The following ATP8A1 variants were observed in gnomAD, a reference collection of about 807,000 sequenced individuals.
The protein encoded by ATP8A1 is ATPase phospholipid transporting 8A1, also known as phospholipid-transporting ATPase IA.
ATP8A1 carries 90 observed loss-of-function variants against 177.7 expected under a neutral mutation model. The ratio of observed to expected loss-of-function variants is 0.51; its 90% CI spans 0.43 to 0.60. The LOEUF (loss-of-function observed/expected upper bound fraction) is 0.60. Among genes scored for constraint, ATP8A1 ranks in the 20% least tolerant of loss-of-function variants. The probability of loss-of-function intolerance (pLI) is 0.00; values close to 1 mark genes in which losing one functional copy is unlikely to be tolerated. For synonymous variants in ATP8A1, 493 were observed against 485.9 expected, an observed-to-expected ratio of 1.01 and a Z score of -0.19; for missense variants, 1,072 against 1,392.8, an observed-to-expected ratio of 0.77 and a Z score of 3.67.
At position 42,600,584 on chromosome 4, in the gene ATP8A1, A is replaced by G. The variant is rs866670321; in HGVS notation, c.410-66T>C. ...CTATGAAAAGGCCATTTCTGATGAA[A>G]TAATAATTTTAAACGAATAGCTTCA... is the stretch of plus-strand genomic sequence containing the variant. On this transcript the variant is annotated intron_variant, in intron 5 of 36. Coordinates refer to ENST00000381668, the MANE Select transcript of ATP8A1 (RefSeq NM_006095.2). 4.0e-5 allele frequency: 59 copies of G among 1,471,876 alleles called. No homozygotes were observed. The African/African-American group carries it at 5.6e-4, about 14-fold the overall frequency. 91.2% of individuals were successfully genotyped at this position (1,471,876 alleles called of 1,614,324 possible).
chr4:42,420,699 A>G (rs1247758010), intron 35 of ATP8A1, among the ~76,000 whole-genome samples: 1 of 152,152 alleles, frequency 6.6e-6, no homozygotes, highest in Admixed American at 6.5e-5. Context: ...GGATAGTAAC[A>G]GTATTAACAG....
chr4:42,613,781 G>GCC (rs1736617003), intron 5 of ATP8A1, among the ~76,000 whole-genome samples: 3 of 151,804 alleles, frequency 2.0e-5, no homozygotes, highest in Admixed American at 2.0e-4. Context: ...ATGGGGTTTT[G>GCC]CCATGTTGGT....
At chr4:42,627,932 G>A (rs1266674946) in intron 1 of ATP8A1, among the ~76,000 whole-genome samples, 1 of 152,152 alleles carries the variant, frequency 6.6e-6, no homozygotes, top group African/African-American at 2.4e-5. Flanking sequence ...CTTCTGAAGT[G>A]TTCTATGATG....
At position 42,646,339 on chromosome 4, in the gene ATP8A1, A is replaced by G. The variant is rs531946089; in HGVS notation, c.49+10486T>C. Among the ~76,000 whole-genome samples the G allele has an allele frequency of 1.2e-4, 18 of 152,336 alleles. No homozygotes were observed. The East Asian group carries it at 3.5e-3, about 29-fold the overall frequency. On this transcript the variant is annotated intron_variant, in intron 1 of 36. Coordinates refer to ENST00000381668, the MANE Select transcript of ATP8A1 (RefSeq NM_006095.2). ...TCAGGGAAGTGGTGACAGGGTGTGC[A>G]TGCCTCATCTTTAGAGTGCTAAGTC...
intron 23 of ATP8A1, among the ~76,000 whole-genome samples, chr4:42,503,876 T>A (rs947205830): frequency 1.3e-5 from 2 of 152,176 alleles, no homozygotes; most frequent in African/African-American, 4.8e-5. Flanking sequence ...AGAACCCTTC[T>A]CTAGACACCT....
intron 25 of ATP8A1, among the ~76,000 whole-genome samples, chr4:42,471,488 C>T (rs1358588751): frequency 2.6e-5 from 4 of 152,166 alleles, no homozygotes; most frequent in Non-Finnish European, 5.9e-5. Context: ...AACGTACTGC[C>T]TTCTGCTTCA....
rs140420171 is a variant in ATP8A1, at chr4:42,443,590, G to A, written c.3098C>T (p.Pro1033Leu). The change falls in exon 33 of 37, where the codon CCG becomes CTG. Residue 1033 changes from proline (P) to leucine (L), a missense_variant. Physicochemically the swap from Pro to Leu is moderately conservative, Grantham distance 98. Coordinates refer to ENST00000381668, the MANE Select transcript of ATP8A1 (RefSeq NM_006095.2). ...GIYSSLWPAI[P>L]MAPDMSGEAA... ...CTCTCCTGACATATCAGGGGCCATC[G>A]GAATGGCAGGCCACAGAGATGAGTA... 2.6e-4 allele frequency: 382 copies of A among 1,461,836 alleles called. 1 individual carries two copies. The highest frequency in any genetic ancestry group is 1.7e-3 in the Middle Eastern group (10 of 5,746). 90.6% of individuals were successfully genotyped at this position (1,461,836 alleles called of 1,614,324 possible).
At chr4:42,638,070 G>T (rs1394997119) in intron 1 of ATP8A1, among the ~76,000 whole-genome samples, 1 of 152,158 alleles carries the variant, frequency 6.6e-6, no homozygotes, top group Non-Finnish European at 1.5e-5. Flanking sequence ...TAACATGAAT[G>T]ACCCTTCAGG....
At chr4:42,520,670 C>G (rs991508143) in intron 22 of ATP8A1, among the ~76,000 whole-genome samples, 2 of 152,100 alleles carry the variant, frequency 1.3e-5, no homozygotes, top group African/African-American at 2.4e-5. Flanking sequence ...GTGGGAGTAT[C>G]ATGCTGGAAG....
Position 42,503,496 on chromosome 4 carries a change from AAC to A in ATP8A1, c.2103_2104del (p.Leu702GlufsTer11). On this transcript the variant is annotated frameshift_variant, in exon 24 of 37. Transcript: ENST00000381668. LOFTEE classifies it high-confidence loss of function. ...AACAATCATTCCCATGTTCTTCTTC[AAC>A]AGTTTGCAGGAGTGTCCTGTATCCA... 6.2e-7 allele frequency: 1 copy of A among 1,607,994 alleles called. No individual in the cohort carries two copies.
At chr4:42,616,201 T>C (rs1422972416) in intron 4 of ATP8A1, 123 bp from the exon 5 acceptor site, 1 of 815,082 alleles carries the variant, frequency 1.2e-6, no homozygotes, top group East Asian at 2.6e-5. Flanking sequence ...TTCTCATTCA[T>C]GTCAATGTTA....
At chr4:42,508,043 C>A (rs945241922) in intron 22 of ATP8A1, among the ~76,000 whole-genome samples, 1 of 152,120 alleles carries the variant, frequency 6.6e-6, no homozygotes, top group Non-Finnish European at 1.5e-5. Flanking sequence ...AGGGGAAGAT[C>A]AGACTCAAAG....
chr4:42,544,164 G>A (rs1168231578), intron 19 of ATP8A1, among the ~76,000 whole-genome samples, 178 bp from the exon 20 acceptor site: 2 of 152,012 alleles, frequency 1.3e-5, no homozygotes, highest in East Asian at 3.9e-4. Flanking sequence ...ACCTGTAAAA[G>A]TTACATTATG....
chr4:42,578,541 A>C (rs1271701762), intron 11 of ATP8A1, among the ~76,000 whole-genome samples, 154 bp from the exon 12 acceptor site: 1 of 152,176 alleles, frequency 6.6e-6, no homozygotes, highest in Non-Finnish European at 1.5e-5. Flanking sequence ...TCTCAAGTAC[A>C]TCCTTCAAGA....
At chr4:42,434,728 A>T (rs767546431) in intron 33 of ATP8A1, among the ~76,000 whole-genome samples, 1 of 152,164 alleles carries the variant, frequency 6.6e-6, no homozygotes, top group African/African-American at 2.4e-5. Flanking sequence ...ACGTATTGGT[A>T]ATGTCTAAGA....
chr4:42,574,514 A>G (rs999651354), intron 14 of ATP8A1, 105 bp downstream of exon 14: 1 of 883,068 alleles, frequency 1.1e-6, no homozygotes, highest in African/African-American at 1.8e-5. Context: ...ACTAAAAAAA[A>G]CCAAACAACC....
intron 5 of ATP8A1, among the ~76,000 whole-genome samples, chr4:42,612,709 C>T (rs1044356616): frequency 2.6e-5 from 4 of 151,948 alleles, no homozygotes; most frequent in African/African-American, 7.3e-5. Context: ...TAGGTCTCAG[C>T]TCCATAATTC....
chr4:42,605,478 G>A (rs1468948964), intron 5 of ATP8A1, among the ~76,000 whole-genome samples: 1 of 152,144 alleles, frequency 6.6e-6, no homozygotes. Flanking sequence ...TTTAACACAT[G>A]GGAAGTGTCA....
chr4:42,597,966 A>G (rs902643353), intron 6 of ATP8A1, among the ~76,000 whole-genome samples: 20 of 152,098 alleles, frequency 1.3e-4, no homozygotes, highest in Non-Finnish European at 2.4e-4. Flanking sequence ...GTTTACTGTC[A>G]AGTTTTCCTA....
Sources: allele counts gnomAD v4.1 joint callset (sites outside exome capture counted in the v4.1 genomes callset), GRCh38; gene constraint gnomAD v4.1.1; transcripts MANE v1.5; gene names NCBI Gene and HGNC (gene_info 2026-07-23, HGNC 2026-07-21).